Variants in SSH2 observed in about 807,000 individuals in gnomAD.
SSH2 encodes slingshot protein phosphatase 2.
SSH2 carries 37 observed loss-of-function variants against 135.2 expected under a neutral mutation model. That is an observed-to-expected ratio of 0.27 (90% CI 0.21 to 0.36). SSH2 has a LOEUF of 0.36. Among genes scored for constraint, SSH2 ranks in the 10% least tolerant of loss-of-function variants. The pLI is 1.00. For missense variants in SSH2, 1,408 were observed against 1,765.3 expected (o/e 0.80, Z 3.63); for synonymous variants, 628 against 646.2 (o/e 0.97, Z 0.43).
intron 9 of SSH2, among the ~76,000 whole-genome samples, 168 bp from the exon 10 acceptor site, chr17:29,667,391 G>T (rs1393558748): frequency 1.3e-5 from 2 of 152,182 alleles, no homozygotes; most frequent in African/African-American, 4.8e-5. Context: ...GTGAGTACCG[G>T]TCAGTGGCCT....
At chr17:29,834,243 T>A (rs1283622142) in intron 2 of SSH2, among the ~76,000 whole-genome samples, 1 of 152,060 alleles carries the variant, frequency 6.6e-6, no homozygotes. Context: ...ATTCAATAGT[T>A]CTCATATCTA....
chr17:29,801,292 G>A (rs746478003), intron 2 of SSH2, among the ~76,000 whole-genome samples: 1 of 152,242 alleles, frequency 6.6e-6, no homozygotes, highest in African/African-American at 2.4e-5. Context: ...TTGCTGAGAA[G>A]TAGGCTTGGT....
At chr17:29,778,121 C>T (rs750092792) in intron 3 of SSH2, among the ~76,000 whole-genome samples, 8 of 151,928 alleles carry the variant, frequency 5.3e-5, no homozygotes, top group Non-Finnish European at 8.8e-5. Context: ...TTATGGGATA[C>T]ATAAATGTTT....
At chr17:29,880,451 T>G (rs1301566265) in intron 1 of SSH2, among the ~76,000 whole-genome samples, 11 of 152,184 alleles carry the variant, frequency 7.2e-5, no homozygotes, top group Admixed American at 7.2e-4. Flanking sequence ...CATTTTTTTC[T>G]TTAAACCAGA....
rs138931386 is a variant in SSH2 at position 29,859,854 on chromosome 17, T to C, written c.64-10925A>G. Among the ~76,000 whole-genome samples the C allele has an allele frequency of 3.4e-3, 514 of 152,286 alleles. 3 individuals carry two copies. Among genetic ancestry groups the C allele is most frequent in the Non-Finnish European group, 5.5e-3 (373 of 68,024 alleles). ...GAATGGTAGCTCTGTTTTTTTGTTT[T>C]TGTTTTTTTGAGATGGAGTTTCGCT... On this transcript the variant is annotated intron_variant, in intron 1 of 15. Coordinates refer to ENST00000540801, the MANE Select transcript of SSH2 (RefSeq NM_001282129.2).
intron 3 of SSH2, among the ~76,000 whole-genome samples, chr17:29,744,860 AGTGTGTGTGTGTGTGTGTGTGTGTGT>A (rs71689248): frequency 2.8e-5 from 4 of 140,426 alleles, no homozygotes; most frequent in Admixed American, 7.0e-5. Context: ...GGATTACTTG[AGTGTGTGTGTGTGTGTGTGTGTGTGT>A]GTGTGTGTGT....
At chr17:29,781,147 T>C (rs967264011) in intron 3 of SSH2, among the ~76,000 whole-genome samples, 3 of 152,182 alleles carry the variant, frequency 2.0e-5, no homozygotes, top group Non-Finnish European at 4.4e-5. Flanking sequence ...ACAATGCTCA[T>C]ATTCTCAAAG....
At chr17:29,710,347 A>G (rs1378365721) in intron 3 of SSH2, among the ~76,000 whole-genome samples, 2 of 152,232 alleles carry the variant, frequency 1.3e-5, no homozygotes, top group African/African-American at 4.8e-5. Flanking sequence ...TTCTGCTTGA[A>G]GCCAAAATTA....
chr17:29,858,787 G>T (rs1194954139), intron 1 of SSH2, among the ~76,000 whole-genome samples: 2 of 152,126 alleles, frequency 1.3e-5, no homozygotes, highest in Non-Finnish European at 2.9e-5. Context: ...CAGAAGGATT[G>T]CTTGAGCCCA....
intron 3 of SSH2, among the ~76,000 whole-genome samples, chr17:29,711,839 C>T (rs1362599255): frequency 6.6e-6 from 1 of 152,200 alleles, no homozygotes; most frequent in Non-Finnish European, 1.5e-5. Flanking sequence ...GGACACTCTG[C>T]TCCTGCTCCC....
chr17:29,794,437 T>C (rs893834747), intron 2 of SSH2, among the ~76,000 whole-genome samples: 1 of 152,216 alleles, frequency 6.6e-6, no homozygotes, highest in Non-Finnish European at 1.5e-5. Flanking sequence ...TGCTAGGCAC[T>C]GTGTTCCTCA....
At chr17:29,750,898 CTT>C (rs1340295756) in intron 3 of SSH2, among the ~76,000 whole-genome samples, 1 of 148,232 alleles carries the variant, frequency 6.7e-6, no homozygotes, top group Non-Finnish European at 1.5e-5. Context: ...ACTCTTGAAA[CTT>C]TTTTGTTAAA....
At chr17:29,744,864 T>A (rs1006813379) in intron 3 of SSH2, among the ~76,000 whole-genome samples, 4 of 112,486 alleles carry the variant, frequency 3.6e-5, no homozygotes, top group South Asian at 5.3e-4. Flanking sequence ...TACTTGAGTG[T>A]GTGTGTGTGT....
intron 2 of SSH2, among the ~76,000 whole-genome samples, chr17:29,817,813 A>G (rs2042584286): frequency 6.6e-6 from 1 of 152,192 alleles, no homozygotes; most frequent in Non-Finnish European, 1.5e-5. Flanking sequence ...GCTGGAGTGC[A>G]GCAGTGAGAT....
At chr17:29,742,027 C>T (rs1448969113) in intron 3 of SSH2, among the ~76,000 whole-genome samples, 6 of 149,754 alleles carry the variant, frequency 4.0e-5, no homozygotes, top group Admixed American at 6.7e-5. Flanking sequence ...TTCCGCCTCC[C>T]GGGTTCAAAC....
At chr17:29,726,711 T>G (rs2040014010) in intron 3 of SSH2, among the ~76,000 whole-genome samples, 1 of 152,240 alleles carries the variant, frequency 6.6e-6, no homozygotes, top group African/African-American at 2.4e-5. Context: ...CTTGCATTCA[T>G]AAAGAATGTT....
intron 3 of SSH2, among the ~76,000 whole-genome samples, chr17:29,728,408 C>T (rs1401926819): frequency 6.6e-6 from 1 of 151,838 alleles, no homozygotes; most frequent in East Asian, 1.9e-4. Flanking sequence ...GAAGACGACA[C>T]CAAAAAAGGA....
chr17:29,680,759 G>A (rs2037946188), intron 6 of SSH2, among the ~76,000 whole-genome samples: 1 of 151,936 alleles, frequency 6.6e-6, no homozygotes, highest in African/African-American at 2.4e-5. Context: ...TTTGAAAACG[G>A]CTTCCCAAGA....
chr17:29,839,697 A>G (rs1458379554), intron 2 of SSH2, among the ~76,000 whole-genome samples: 3 of 152,230 alleles, frequency 2.0e-5, no homozygotes, highest in Non-Finnish European at 2.9e-5. Flanking sequence ...TTAAGTTTCT[A>G]TATTTTTAAA....
Sources: allele counts gnomAD v4.1 joint callset (sites outside exome capture counted in the v4.1 genomes callset), GRCh38; gene constraint gnomAD v4.1.1; transcripts MANE v1.5; gene names NCBI Gene and HGNC (gene_info 2026-07-23, HGNC 2026-07-21).